RGS5: variants seen among roughly 807,000 people sequenced by gnomAD.
RGS5 encodes the protein regulator of G-protein signalling 5.
RGS5 carries 20 observed loss-of-function variants against 18.9 expected under a neutral mutation model. The ratio of observed to expected loss-of-function variants is 1.06; its 90% confidence interval spans 0.74 to 1.54. The LOEUF is 1.54. Among genes scored for constraint, RGS5 ranks in the 40% most tolerant of loss-of-function variants. The pLI, the probability that RGS5 is intolerant of heterozygous loss-of-function variation, is 0.00. For synonymous variants in RGS5, 57 were observed against 76.2 expected (o/e 0.75, Z 1.31); for missense variants, 201 against 211.8 (o/e 0.95, Z 0.32).
At chr1:163,206,999 A>T (rs556994485), upstream of RGS5, among the ~76,000 whole-genome samples, 29 of 152,336 alleles carry the variant, frequency 1.9e-4, no homozygotes, top group South Asian at 2.1e-4. Context: ...ATGACAACTA[A>T]CACTACTGAA....
At chr1:163,276,278 G>C (rs181601377) in intron 2 of RGS5, among the ~76,000 whole-genome samples, 78 of 152,250 alleles carry the variant, frequency 5.1e-4, no homozygotes, top group Middle Eastern at 3.4e-3. Context: ...ACAGGCATGA[G>C]CCACCGCACC....
intron 3 of RGS5, chr1:163,161,666 T>C (rs1557883687): frequency 2.5e-6 from 1 of 403,432 alleles, no homozygotes; most frequent in Admixed American, 3.8e-5. Flanking sequence ...GCAGGACAGA[T>C]GGGAACACAA....
At chr1:163,166,321 T>TTA (rs1553213854) in intron 2 of RGS5, among the ~76,000 whole-genome samples, 1 of 151,764 alleles carries the variant, frequency 6.6e-6, no homozygotes. Context: ...AAATACATGT[T>TTA]AAAAAATAGA....
chr1:163,152,129 G>A (rs1300027862), intron 4 of RGS5, among the ~76,000 whole-genome samples: 2 of 152,066 alleles, frequency 1.3e-5, no homozygotes, highest in Non-Finnish European at 2.9e-5. Flanking sequence ...AGACTTTGAG[G>A]CATTCTGAAT....
intron 2 of RGS5, chr1:163,305,027 C>T (rs1403166914): frequency 2.6e-5 from 4 of 152,220 alleles, no homozygotes; most frequent in Non-Finnish European, 5.9e-5. Context: ...CCTGGCCAGA[C>T]CATATAACTT....
upstream of RGS5, chr1:163,206,947 T>C (rs1050082456): frequency 6.6e-6 from 1 of 152,228 alleles, no homozygotes; most frequent in Non-Finnish European, 1.5e-5. Flanking sequence ...GCATCTTTTG[T>C]TATTTAAGAT....
At chr1:163,316,113 T>C (rs1017631999) in intron 1 of RGS5, among the ~76,000 whole-genome samples, 2 of 152,192 alleles carry the variant, frequency 1.3e-5, no homozygotes, top group South Asian at 2.1e-4. Flanking sequence ...CTCAAAAATA[T>C]ATAAAAGCAT....
intron 1 of RGS5, among the ~76,000 whole-genome samples, chr1:163,179,356 G>T (rs950050257): frequency 4.7e-4 from 71 of 152,164 alleles, no homozygotes; most frequent in African/African-American, 1.6e-3. Context: ...TTGTGATTAA[G>T]TGAGTTACTA....
intron 1 of RGS5, among the ~76,000 whole-genome samples, chr1:163,168,748 G>C (rs1408489322): frequency 6.6e-6 from 1 of 152,146 alleles, no homozygotes; most frequent in African/African-American, 2.4e-5. Flanking sequence ...GTGAGCCCAA[G>C]CTGTCTGATG....
intron 1 of RGS5, 151 bp from the exon 2 acceptor site, chr1:163,168,519 T>C (rs532973688): frequency 1.9e-4 from 120 of 624,066 alleles, no homozygotes; most frequent in African/African-American, 1.9e-3. Context: ...AATGCAGAAA[T>C]TAGGATATAT....
intron 2 of RGS5, among the ~76,000 whole-genome samples, chr1:163,251,036 C>G (rs929090489): frequency 2.0e-5 from 3 of 152,088 alleles, no homozygotes; most frequent in African/African-American, 7.2e-5. Flanking sequence ...TGTTCCTGAC[C>G]TTATGAAGCT....
Position 163,143,928 on chromosome 1 carries a change from C to T in RGS5, c.*3414G>A, listed in dbSNP as rs968059710. 1.3e-5 allele frequency: 2 copies of T among 152,202 alleles called. No homozygotes were observed. Among genetic ancestry groups the T allele is most frequent in the Non-Finnish European group, 1.5e-5 (1 of 68,008 alleles). The allele number at this position is 152,202 out of a possible 1,614,324, so 9.4% of individuals were successfully genotyped here. The stretch of plus-strand genomic sequence containing the variant: ...TTTGGAAAATAATTAACAGCTCCAT[C>T]CTATTGAAATGGCTTGTGTACAGAG... On this transcript the variant is annotated 3_prime_UTR_variant, in exon 5 of 5. Coordinates refer to ENST00000313961, the MANE Select transcript of RGS5 (RefSeq NM_003617.4).
At chr1:163,249,439 C>T (rs1452991034) in intron 2 of RGS5, among the ~76,000 whole-genome samples, 10 of 152,128 alleles carry the variant, frequency 6.6e-5, no homozygotes, top group East Asian at 1.9e-4. Context: ...TTTGCCAAAC[C>T]GTTAATATTT....
intron 1 of RGS5, among the ~76,000 whole-genome samples, chr1:163,310,929 G>T (rs115394982): frequency 0.015 from 2,230 of 152,250 alleles, 64 homozygotes; most frequent in African/African-American, 0.051. Flanking sequence ...GAGAAATGCC[G>T]AGCAAAGGGG....
intron 4 of RGS5, among the ~76,000 whole-genome samples, chr1:163,150,895 A>G (rs945206870): frequency 7.9e-5 from 12 of 152,180 alleles, no homozygotes; most frequent in Non-Finnish European, 1.3e-4. Flanking sequence ...GTGGTAGAGA[A>G]GGGATATTTG....
chr1:163,253,866 G>A (rs1648190282), intron 2 of RGS5, among the ~76,000 whole-genome samples: 1 of 144,318 alleles, frequency 6.9e-6, no homozygotes, highest in South Asian at 2.1e-4. Flanking sequence ...TGTTCTCATT[G>A]TTCAGTTCCT....
At chr1:163,238,587 C>A (rs1294668768) in intron 2 of RGS5, 2 of 182,558 alleles carry the variant, frequency 1.1e-5, no homozygotes, top group Non-Finnish European at 1.3e-5. Flanking sequence ...TGACCATGGT[C>A]CTAAAGCTTT....
chr1:163,197,583 A>C (rs1229567043), intron 1 of RGS5, among the ~76,000 whole-genome samples: 1 of 152,162 alleles, frequency 6.6e-6, no homozygotes, highest in Non-Finnish European at 1.5e-5. Context: ...GCAAGTACAC[A>C]GGTTTGAAAG....
intron 1 of RGS5, among the ~76,000 whole-genome samples, chr1:163,188,772 A>T (rs1026476069): frequency 6.6e-6 from 1 of 152,136 alleles, no homozygotes; most frequent in East Asian, 1.9e-4. Context: ...ATCCTGGCCA[A>T]CATGGTGAAA....
Sources: gnomAD v4.1 joint callset for allele counts (sites outside exome capture counted in the v4.1 genomes callset) on GRCh38, gnomAD v4.1.1 for gene constraint, MANE v1.5 for transcripts, NCBI Gene and HGNC (gene_info 2026-07-23, HGNC 2026-07-21) for gene names.